Variants in IQCM observed in about 807,000 individuals in gnomAD.
The protein encoded by IQCM is IQ motif containing M, also known as IQ domain-containing protein M.
In IQCM, 45 loss-of-function variants were observed where a neutral mutation model predicts 57.6. The observed-to-expected ratio is 0.78, with a 90% CI of 0.62 to 1.00. The LOEUF (loss-of-function observed/expected upper bound fraction) is 1.00, where lower values mean the gene tolerates loss of function less well. IQCM is among the 50% of genes least tolerant of loss of function. The pLI is 0.00. For missense variants in IQCM, 468 were observed against 511.6 expected (o/e 0.91, Z 0.82); for synonymous variants, 148 against 158.9 (o/e 0.93, Z 0.51).
chr4:149,491,899 ACAT>A (rs1226616135), intron 12 of IQCM, among the ~76,000 whole-genome samples: 1 of 152,020 alleles, frequency 6.6e-6, no homozygotes, highest in Non-Finnish European at 1.5e-5. Context: ...CCTTTCTTCT[ACAT>A]CATCTCCAGC....
chr4:149,695,364 C>A (rs1277930150), intron 5 of IQCM, among the ~76,000 whole-genome samples: 1 of 152,114 alleles, frequency 6.6e-6, no homozygotes, highest in Non-Finnish European at 1.5e-5. Flanking sequence ...ATTCCAAATA[C>A]AGCGCTATGA....
At chr4:149,363,943 C>T (rs1162586083) in intron 13 of IQCM, among the ~76,000 whole-genome samples, 2 of 152,146 alleles carry the variant, frequency 1.3e-5, no homozygotes, top group South Asian at 2.1e-4. Flanking sequence ...AGTAATGCTT[C>T]TACTGGAATA....
rs1326270032 is a variant in IQCM, at chr4:149,711,240, T to TAAGAGTCAC, written c.385+21995_385+22003dup. 5.9e-5 allele frequency: 9 copies of TAAGAGTCAC among 152,126 alleles called. No individual in the cohort carries two copies. The South Asian group carries it at 6.2e-4, about 10-fold the overall frequency. 9.4% of individuals were successfully genotyped at this position (152,126 alleles called of 1,614,324 possible). The stretch of plus-strand genomic sequence containing the variant: ...GTTATACAATAATTTGGAAAAAGAC[T>TAAGAGTCAC]AAGAGTCACTTCCATACTCCCAAGG... On this transcript the variant is annotated intron_variant, in intron 5 of 13. Transcript: ENST00000636793.
chr4:149,586,954 T>C (rs2726756), intron 9 of IQCM, among the ~76,000 whole-genome samples: 121,906 of 151,606 alleles, frequency 0.8, 49,467 homozygotes, highest in Non-Finnish European at 0.86. Context: ...CTTTAGGATG[T>C]ACTTTCTTGA....
chr4:149,761,344 T>G (rs996909123), intron 2 of IQCM, among the ~76,000 whole-genome samples: 2 of 152,110 alleles, frequency 1.3e-5, no homozygotes, highest in Non-Finnish European at 2.9e-5. Flanking sequence ...TCCTTACTGA[T>G]GCTCAATAAG....
At chr4:149,379,646 G>C (rs1457140170) in intron 13 of IQCM, among the ~76,000 whole-genome samples, 2 of 152,156 alleles carry the variant, frequency 1.3e-5, no homozygotes, top group African/African-American at 2.4e-5. Context: ...TAACTAACTT[G>C]CTTTTGATCT....
intron 12 of IQCM, among the ~76,000 whole-genome samples, chr4:149,479,792 G>A (rs1361645850): frequency 6.6e-6 from 1 of 152,186 alleles, no homozygotes; most frequent in Non-Finnish European, 1.5e-5. Context: ...ACAGCCTGGT[G>A]CAGTGAGTTA....
At chr4:149,784,509 G>A (rs561232405) in intron 2 of IQCM, among the ~76,000 whole-genome samples, 22 of 152,244 alleles carry the variant, frequency 1.4e-4, no homozygotes, top group Admixed American at 1.3e-3. Flanking sequence ...TCCGCCTCCC[G>A]GGTTCACGCC....
At chr4:149,451,663 T>C (rs1466392586) in intron 12 of IQCM, among the ~76,000 whole-genome samples, 2 of 151,810 alleles carry the variant, frequency 1.3e-5, no homozygotes, top group Non-Finnish European at 2.9e-5. Flanking sequence ...TCTGAATAGA[T>C]GCAGAAAAAG....
chr4:149,573,767 C>T (rs1751380948), intron 9 of IQCM, among the ~76,000 whole-genome samples: 2 of 66,924 alleles, frequency 3.0e-5, no homozygotes, highest in African/African-American at 7.7e-5. Context: ...GAGACCCTGG[C>T]TCAAAAAAAA....
intron 13 of IQCM, among the ~76,000 whole-genome samples, chr4:149,384,696 C>T (rs1420640428): frequency 6.6e-6 from 1 of 151,908 alleles, no homozygotes; most frequent in African/African-American, 2.4e-5. Flanking sequence ...TCTAACTACA[C>T]ATGTAAAAAT....
chr4:149,803,443 C>T (rs77155959), intron 2 of IQCM, among the ~76,000 whole-genome samples: 1 of 151,882 alleles, frequency 6.6e-6, no homozygotes, highest in South Asian at 2.1e-4. Flanking sequence ...CCTCATTGAG[C>T]CTTTCTTTGA....
Position 149,351,975 on chromosome 4 carries a change from ATGT to A in IQCM, c.1479_1481del (p.Gln493del). 5.0e-6 allele frequency: 2 copies of A among 398,992 alleles called. No homozygotes were observed. The allele number at this position is 398,992 out of a possible 1,614,324, so 24.7% of individuals were successfully genotyped here. On this transcript the variant is annotated inframe_deletion, in exon 14 of 14. Transcript: ENST00000636793. ...ATCATTCAACTTTACATGACTTATA[ATGT>A]TGTCTCATTTTCCTTTCTCTTATGG...
chr4:149,748,925 G>A (rs1768184802), intron 2 of IQCM, among the ~76,000 whole-genome samples: 1 of 152,052 alleles, frequency 6.6e-6, no homozygotes, highest in South Asian at 2.1e-4. Flanking sequence ...AAAAATACAG[G>A]CAGTTGAATA....
intron 12 of IQCM, among the ~76,000 whole-genome samples, chr4:149,494,689 A>G (rs1484952296): frequency 6.6e-6 from 1 of 152,096 alleles, no homozygotes; most frequent in Admixed American, 6.6e-5. Context: ...TAAAGAATAG[A>G]ACAAATGCCA....
chr4:149,624,616 A>T (rs1756639910), intron 7 of IQCM, among the ~76,000 whole-genome samples: 1 of 152,214 alleles, frequency 6.6e-6, no homozygotes, highest in African/African-American at 2.4e-5. Flanking sequence ...AGGAAAGAAA[A>T]GTTCTTAGGT....
At chr4:149,635,181 G>A (rs1356814731) in intron 7 of IQCM, among the ~76,000 whole-genome samples, 1 of 152,026 alleles carries the variant, frequency 6.6e-6, no homozygotes, top group African/African-American at 2.4e-5. Context: ...CTTTAAAAAA[G>A]AAAGAATGGA....
chr4:149,785,310 A>G (rs1479255541), intron 2 of IQCM, among the ~76,000 whole-genome samples: 1 of 152,330 alleles, frequency 6.6e-6, no homozygotes, highest in Admixed American at 6.5e-5. Context: ...TTAGGCACAC[A>G]AAGTTATAAG....
chr4:149,516,652 G>A (rs547875759), intron 12 of IQCM, among the ~76,000 whole-genome samples: 1 of 152,196 alleles, frequency 6.6e-6, no homozygotes, highest in African/African-American at 2.4e-5. Context: ...CATGGGGCCA[G>A]GAATCAAGGG....
Sources: gnomAD v4.1 joint callset for allele counts (sites outside exome capture counted in the v4.1 genomes callset) on GRCh38, gnomAD v4.1.1 for gene constraint, MANE v1.5 for transcripts, NCBI Gene and HGNC (gene_info 2026-07-23, HGNC 2026-07-21) for gene names.